The following SCHIP1 variants were observed in gnomAD, a reference collection of about 807,000 sequenced individuals.
The protein encoded by SCHIP1 is schwannomin interacting protein 1.
Under a neutral mutation model 29.7 loss-of-function variants are expected in SCHIP1, and 8 were observed. The ratio of observed to expected loss-of-function variants is 0.27; its 90% CI spans 0.16 to 0.49. The LOEUF (loss-of-function observed/expected upper bound fraction) is 0.49, where lower values mean the gene tolerates loss of function less well. Ranked by LOEUF, SCHIP1 falls within the 20% of genes least tolerant of loss-of-function variation. SCHIP1 has a pLI of 0.99. For synonymous variants in SCHIP1, 76 were observed against 94.9 expected (o/e 0.80, Z 1.16); for missense variants, 193 against 294.6 (o/e 0.66, Z 2.52).
the SCHIP1 span, among the ~76,000 whole-genome samples, chr3:159,770,410 C>G: frequency 6.6e-6 from 1 of 152,130 alleles, no homozygotes; most frequent in South Asian, 2.1e-4. Context: ...CAGGCAGCCA[C>G]CATCATGCCT....
the SCHIP1 span, among the ~76,000 whole-genome samples, chr3:159,584,913 T>C: frequency 1.3e-5 from 2 of 151,956 alleles, no homozygotes; most frequent in Non-Finnish European, 2.9e-5. Flanking sequence ...CCCCAGGCAT[T>C]CCCTGACTTG....
the SCHIP1 span, among the ~76,000 whole-genome samples, chr3:159,666,848 A>T: frequency 6.6e-6 from 1 of 152,218 alleles, no homozygotes; most frequent in African/African-American, 2.4e-5. Flanking sequence ...TAGAACTTTG[A>T]TACCTATGTC....
intron 4 of SCHIP1, chr3:159,888,315 A>G: frequency 4.4e-6 from 1 of 227,702 alleles, no homozygotes; most frequent in Non-Finnish European, 8.7e-6. Flanking sequence ...GTTTAAGTCT[A>G]GCTCTGCCAT....
chr3:159,499,650 T>G, the SCHIP1 span, among the ~76,000 whole-genome samples: 1 of 152,374 alleles, frequency 6.6e-6, no homozygotes, highest in South Asian at 2.1e-4. Context: ...GTGACTTTGA[T>G]ACATGCTCAA....
At chr3:159,457,043 G>A in the SCHIP1 span, among the ~76,000 whole-genome samples, 1 of 152,028 alleles carries the variant, frequency 6.6e-6, no homozygotes, top group Non-Finnish European at 1.5e-5. Flanking sequence ...TGTACTATAA[G>A]AATTTTTTTC....
the SCHIP1 span, among the ~76,000 whole-genome samples, chr3:159,738,838 G>A: frequency 2.0e-5 from 3 of 152,154 alleles, no homozygotes; most frequent in African/African-American, 4.8e-5. Context: ...TTTTTAGGTG[G>A]TCAGGGAAGG....
At chr3:159,532,746 C>T in the SCHIP1 span, among the ~76,000 whole-genome samples, 1 of 152,092 alleles carries the variant, frequency 6.6e-6, no homozygotes, top group African/African-American at 2.4e-5. Context: ...ATAGGAAATG[C>T]CCCCTGTGGT....
At chr3:159,354,769 A>G in the SCHIP1 span, among the ~76,000 whole-genome samples, 1 of 152,128 alleles carries the variant, frequency 6.6e-6, no homozygotes, top group Non-Finnish European at 1.5e-5. Context: ...GGTAAGTACA[A>G]TAGCTACTTA....
chr3:159,556,661 C>T, the SCHIP1 span, among the ~76,000 whole-genome samples: 7 of 150,374 alleles, frequency 4.7e-5, no homozygotes, highest in African/African-American at 7.4e-5. Flanking sequence ...AGTAAACTAT[C>T]GCAAGGACAA....
chr3:159,394,718 A>G, the SCHIP1 span, among the ~76,000 whole-genome samples: 2 of 152,186 alleles, frequency 1.3e-5, no homozygotes, highest in Non-Finnish European at 2.9e-5. Context: ...TGGTTTTGCC[A>G]GTATTTTATT....
the SCHIP1 span, among the ~76,000 whole-genome samples, chr3:159,565,668 GT>G: frequency 1.8e-5 from 2 of 113,248 alleles, no homozygotes; most frequent in Middle Eastern, 5.4e-3. Context: ...ATAGCCAGAT[GT>G]TTTTTTGTGG....
the SCHIP1 span, among the ~76,000 whole-genome samples, chr3:159,647,335 G>C: frequency 1.3e-5 from 2 of 152,120 alleles, no homozygotes; most frequent in Non-Finnish European, 2.9e-5. Context: ...GGGGAGGTGG[G>C]AGGAGGAGAG....
At chr3:159,621,480 A>AT in the SCHIP1 span, among the ~76,000 whole-genome samples, 502 of 152,328 alleles carry the variant, frequency 3.3e-3, 4 homozygotes, top group Middle Eastern at 0.014. Flanking sequence ...ATCTCACAGT[A>AT]TTCATTTGCA....
the SCHIP1 span, among the ~76,000 whole-genome samples, chr3:159,358,696 A>G: frequency 6.6e-6 from 1 of 152,190 alleles, no homozygotes; most frequent in Non-Finnish European, 1.5e-5. Context: ...AACAAAACAC[A>G]GGTGCCTAAA....
the SCHIP1 span, among the ~76,000 whole-genome samples, chr3:159,504,428 G>A: frequency 6.6e-6 from 1 of 152,092 alleles, no homozygotes; most frequent in Admixed American, 6.5e-5. Context: ...GAATTTTAAA[G>A]TATATTTACA....
chr3:159,719,789 C>T, the SCHIP1 span, among the ~76,000 whole-genome samples: 1 of 152,212 alleles, frequency 6.6e-6, no homozygotes, highest in Non-Finnish European at 1.5e-5. Context: ...GTTGGTGGAA[C>T]TGTAAACTAG....
At chr3:159,839,932 A>C in exon 1 of SCHIP1, 1 of 1,407,844 alleles carries the variant, frequency 7.1e-7, no homozygotes, top group Non-Finnish European at 9.2e-7. Flanking sequence ...GCCCGGTCCC[A>C]GCTCCATGTT....
At chr3:159,445,267 C>A in the SCHIP1 span, among the ~76,000 whole-genome samples, 1 of 151,972 alleles carries the variant, frequency 6.6e-6, no homozygotes, top group East Asian at 1.9e-4. Context: ...CCAAAAGACA[C>A]ATGAAAAAAT....
the SCHIP1 span, among the ~76,000 whole-genome samples, chr3:159,605,722 C>T: frequency 6.6e-6 from 1 of 152,076 alleles, no homozygotes; most frequent in African/African-American, 2.4e-5. Flanking sequence ...AAAGTTAAGG[C>T]TTATTTAAAT....
Sources: allele counts gnomAD v4.1 joint callset (sites outside exome capture counted in the v4.1 genomes callset), GRCh38; gene constraint gnomAD v4.1.1; transcripts MANE v1.5; gene names NCBI Gene and HGNC (gene_info 2026-07-23, HGNC 2026-07-21).